The following CEP112 variants were observed in gnomAD, a reference collection of about 807,000 sequenced individuals.
The protein encoded by CEP112 is centrosomal protein of 112 kDa.
CEP112 carries 127 observed loss-of-function variants against 153.0 expected under a neutral mutation model. The observed-to-expected ratio is 0.83, with a 90% confidence interval of 0.72 to 0.96. The LOEUF (loss-of-function observed/expected upper bound fraction) is 0.96, where lower values mean the gene tolerates loss of function less well. Ranked by LOEUF, CEP112 falls within the 40% of genes least tolerant of loss-of-function variation. CEP112 has a pLI of 0.00. For synonymous variants in CEP112, 358 were observed against 374.4 expected (o/e 0.96, Z 0.51); for missense variants, 1,089 against 1,101.2 (o/e 0.99, Z 0.16).
intron 5 of CEP112, among the ~76,000 whole-genome samples, chr17:66,130,640 G>A (rs1002712336): frequency 9.2e-5 from 14 of 152,112 alleles, no homozygotes; most frequent in Admixed American, 2.6e-4. Flanking sequence ...GCCGGGCGTG[G>A]TGGTGGGCAC....
intron 21 of CEP112, among the ~76,000 whole-genome samples, chr17:65,791,217 T>A (rs566733348): frequency 6.6e-6 from 1 of 152,286 alleles, no homozygotes; most frequent in African/African-American, 2.4e-5. Flanking sequence ...TGAGAAATAA[T>A]TTTGTAAAGC....
intron 6 of CEP112, among the ~76,000 whole-genome samples, chr17:66,125,688 T>C (rs2069812457): frequency 6.6e-6 from 1 of 151,074 alleles, no homozygotes; most frequent in South Asian, 2.1e-4. Context: ...ACATTTCCCT[T>C]CTCTGTAACC....
chr17:65,760,539 T>C (rs771557651), intron 21 of CEP112, among the ~76,000 whole-genome samples: 4 of 152,176 alleles, frequency 2.6e-5, no homozygotes, highest in African/African-American at 4.8e-5. Context: ...ACAGATGCGA[T>C]TGATTACATT....
At chr17:66,037,816 AC>A (rs1296131377) in intron 12 of CEP112, among the ~76,000 whole-genome samples, 2 of 152,256 alleles carry the variant, frequency 1.3e-5, no homozygotes, top group African/African-American at 2.4e-5. Flanking sequence ...CTGAGGCCAA[AC>A]TTTACTGGTT....
chr17:66,127,826 C>T (rs963006184), intron 6 of CEP112, among the ~76,000 whole-genome samples: 2 of 152,184 alleles, frequency 1.3e-5, no homozygotes, highest in African/African-American at 4.8e-5. Context: ...ATGGATCCGC[C>T]CTCATCTGAC....
intron 24 of CEP112, among the ~76,000 whole-genome samples, chr17:65,668,569 T>C (rs2046814802): frequency 6.6e-6 from 1 of 152,206 alleles, no homozygotes; most frequent in African/African-American, 2.4e-5. Context: ...ACCACCTGCC[T>C]GTATGTGGCT....
chr17:65,690,170 A>G (rs1185601446), intron 23 of CEP112, among the ~76,000 whole-genome samples: 1 of 149,866 alleles, frequency 6.7e-6, no homozygotes, highest in African/African-American at 2.4e-5. Context: ...CACATCTGTG[A>G]TCTCAGCACT....
intron 8 of CEP112, among the ~76,000 whole-genome samples, chr17:66,091,578 C>T (rs897728935): frequency 6.6e-6 from 1 of 152,188 alleles, no homozygotes; most frequent in Admixed American, 6.5e-5. Context: ...TAAATGCCTA[C>T]ATCAAAACAG....
intron 21 of CEP112, among the ~76,000 whole-genome samples, chr17:65,754,997 G>C (rs2052156173): frequency 1.3e-5 from 2 of 152,046 alleles, no homozygotes; most frequent in Non-Finnish European, 2.9e-5. Flanking sequence ...CCTAGGTATG[G>C]GTTGGTCTGT....
At chr17:65,820,208 G>A (rs1441144032) in intron 21 of CEP112, among the ~76,000 whole-genome samples, 2 of 151,876 alleles carry the variant, frequency 1.3e-5, no homozygotes, top group African/African-American at 2.4e-5. Flanking sequence ...TAGCTTCCTC[G>A]TGTTATCCCC....
At chr17:66,017,570 T>C (rs1403976591) in intron 16 of CEP112, among the ~76,000 whole-genome samples, 1 of 152,250 alleles carries the variant, frequency 6.6e-6, no homozygotes, top group Non-Finnish European at 1.5e-5. Context: ...AGAGCCTTTT[T>C]GGATTGCATT....
intron 20 of CEP112, among the ~76,000 whole-genome samples, chr17:65,886,614 A>G (rs190095434): frequency 4.4e-4 from 67 of 152,324 alleles, no homozygotes; most frequent in African/African-American, 1.6e-3. Context: ...CGGAATTACT[A>G]TATGTTGCCA....
Position 65,902,140 on chromosome 17 carries a change from A to G in CEP112, c.2163+12T>C. On this transcript the variant is annotated intron_variant, in intron 20 of 26. Transcript: ENST00000535342. Reference sequence around the variant, plus strand: ...ACAGATACCCGTTTTATCAAATATTATTGATAATTACCTGTGCATCTCGTT... The same window carrying G: ...ACAGATACCCGTTTTATCAAATATTGTTGATAATTACCTGTGCATCTCGTT... 1 of 1,588,532 alleles carries G rather than the reference A, an allele frequency of 6.3e-7. No homozygotes were observed. Among genetic ancestry groups the G allele is most frequent in the Non-Finnish European group, 8.6e-7 (1 of 1,160,460 alleles).
chr17:65,938,507 G>GA (rs1174346966), intron 18 of CEP112, among the ~76,000 whole-genome samples: 1 of 151,750 alleles, frequency 6.6e-6, no homozygotes, highest in Admixed American at 6.6e-5. Flanking sequence ...ACTCAATGGT[G>GA]AAAAGCTGAA....
chr17:65,864,536 G>A (rs2058419103), intron 20 of CEP112, among the ~76,000 whole-genome samples: 1 of 152,152 alleles, frequency 6.6e-6, no homozygotes, highest in Non-Finnish European at 1.5e-5. Flanking sequence ...AACACAATTA[G>A]TTAGTGATAC....
intron 21 of CEP112, among the ~76,000 whole-genome samples, chr17:65,811,844 T>A (rs1159646286): frequency 6.6e-6 from 1 of 152,190 alleles, no homozygotes; most frequent in Non-Finnish European, 1.5e-5. Flanking sequence ...GCCTGGCTTT[T>A]CTGTAATAAC....
chr17:65,951,454 T>C (rs2061825134), intron 18 of CEP112, among the ~76,000 whole-genome samples: 1 of 152,174 alleles, frequency 6.6e-6, no homozygotes. Flanking sequence ...TTTTGATCAT[T>C]TGTATCTCTC....
chr17:66,134,025 G>T (rs898858247), intron 4 of CEP112, among the ~76,000 whole-genome samples: 31 of 151,956 alleles, frequency 2.0e-4, no homozygotes, highest in Non-Finnish European at 2.4e-4. Context: ...GAGTATAATT[G>T]TACCAGTCAA....
intron 12 of CEP112, among the ~76,000 whole-genome samples, chr17:66,049,075 T>C (rs1237442499): frequency 1.3e-5 from 2 of 152,206 alleles, no homozygotes; most frequent in Non-Finnish European, 2.9e-5. Flanking sequence ...TTACAAGGCT[T>C]GCTGATCGCA....
Sources: gnomAD v4.1 joint callset for allele counts (sites outside exome capture counted in the v4.1 genomes callset) on GRCh38, gnomAD v4.1.1 for gene constraint, MANE v1.5 for transcripts, NCBI Gene and HGNC (gene_info 2026-07-23, HGNC 2026-07-21) for gene names.